The following ATP13A3 variants were observed in gnomAD, a reference collection of about 807,000 sequenced individuals.
ATP13A3 encodes ATPase 13A3, also known as polyamine-transporting ATPase 13A3.
In ATP13A3, 59 loss-of-function variants were observed where a neutral mutation model predicts 158.1. The observed-to-expected ratio is 0.37, with a 90% confidence interval of 0.30 to 0.46. The LOEUF (loss-of-function observed/expected upper bound fraction) is 0.46. Ranked by LOEUF, ATP13A3 falls within the 20% of genes least tolerant of loss-of-function variation. The pLI is 1.00. For missense variants in ATP13A3, 1,166 were observed against 1,525.2 expected (o/e 0.76, Z 3.92); for synonymous variants, 491 against 504.3 (o/e 0.97, Z 0.35).
At chr3:194,462,557 T>A (rs1373193815) in intron 2 of ATP13A3, among the ~76,000 whole-genome samples, 3 of 152,194 alleles carry the variant, frequency 2.0e-5, no homozygotes, top group African/African-American at 2.4e-5. Context: ...AACAGTTTCA[T>A]CCCGAAACCA....
intron 32 of ATP13A3, chr3:194,413,048 A>G (rs775982494): frequency 1.6e-4 from 24 of 152,300 alleles, no homozygotes; most frequent in Admixed American, 9.8e-4. Flanking sequence ...TCTCTCTTCC[A>G]TTTTTATAGT....
chr3:194,428,946 A>G, intron 27 of ATP13A3, 29 bp from the exon 28 acceptor site: 2 of 1,429,838 alleles, frequency 1.4e-6, no homozygotes, highest in South Asian at 2.5e-5. Flanking sequence ...AAACATTATT[A>G]GTTTTTGGGA....
chr3:194,419,874 C>A lies in ATP13A3; in HGVS notation c.3402+5G>T. On this transcript the variant is annotated splice_donor_5th_base_variant and intron_variant, in intron 31 of 33. Transcript: ENST00000645319. Reference sequence around the variant, plus strand: ...CCCCAAACAAATGATGTGCTTAAGTCTTACCTGAAGAACCTGGTCAACAGA... The same window carrying A: ...CCCCAAACAAATGATGTGCTTAAGTATTACCTGAAGAACCTGGTCAACAGA... The A allele has an allele frequency of 6.4e-7, 1 of 1,561,804 alleles. No homozygotes were observed. Among genetic ancestry groups the A allele is most frequent in the South Asian group, 1.2e-5 (1 of 80,412 alleles).
At chr3:194,490,177 C>T (rs1041360399), upstream of ATP13A3, among the ~76,000 whole-genome samples, 4 of 152,174 alleles carry the variant, frequency 2.6e-5, no homozygotes, top group African/African-American at 7.2e-5. The surrounding 1 kb of genome is among the most constrained non-coding windows in gnomAD (Gnocchi z 4.4). Context: ...AAAACATACA[C>T]CATCAAGAGG....
chr3:194,446,608 T>A (rs1718427734), intron 14 of ATP13A3, among the ~76,000 whole-genome samples: 1 of 152,214 alleles, frequency 6.6e-6, no homozygotes, highest in Non-Finnish European at 1.5e-5. Context: ...GTGTTTTAGA[T>A]CTTTATTTAG....
At chr3:194,413,915 A>G (rs1251601737) in intron 31 of ATP13A3, 76 bp from the exon 32 acceptor site, 4 of 1,269,498 alleles carry the variant, frequency 3.2e-6, no homozygotes, top group Non-Finnish European at 4.6e-6. Context: ...TAATTTCTAA[A>G]TTTATTGAAT....
intron 33 of ATP13A3, among the ~76,000 whole-genome samples, chr3:194,409,742 A>G (rs998983590): frequency 3.2e-5 from 4 of 123,312 alleles, no homozygotes; most frequent in African/African-American, 1.4e-4. Flanking sequence ...AAGTATTAAC[A>G]CCCGGGGCTG....
intron 28 of ATP13A3, 133 bp downstream of exon 28, chr3:194,428,712 A>T: frequency 1.7e-6 from 1 of 582,630 alleles, no homozygotes; most frequent in South Asian, 2.6e-5. Context: ...ACTGGTAATA[A>T]AATAACATAT....
At position 194,435,185 on chromosome 3, in the gene ATP13A3, T is replaced by C. The variant is rs114283396; in HGVS notation, c.2121-1289A>G. 7.8e-3 allele frequency among the ~76,000 whole-genome samples: 1,183 copies of C among 152,306 alleles called. 18 individuals carry two copies. Among genetic ancestry groups the C allele is most frequent in the African/African-American group, 0.026 (1,083 of 41,574 alleles). On this transcript the variant is annotated intron_variant, in intron 20 of 33. Transcript: ENST00000645319. The stretch of plus-strand genomic sequence containing the variant: ...ATTAGAGAATAGTTGAGAAAATTAA[T>C]ATAAATGAAACTGCTGGTTTTAACA...
rs71179358 is a variant in ATP13A3, at chr3:194,409,693, A to ATTTTTTTTTTTTTTTTTTTTT, written c.3573+2485_3573+2505dup. On this transcript the variant is annotated intron_variant, in intron 33 of 33. Transcript: ENST00000645319. ...TGCTTGATAATCACTGACGTAAAGA[A>ATTTTTTTTTTTTTTTTTTTTT]TTTTTTTTTTTTTTTTTTTTTTTTT... Among the ~76,000 whole-genome samples, 62 of 93,996 alleles carry ATTTTTTTTTTTTTTTTTTTTT rather than the reference A, an allele frequency of 6.6e-4. 5 individuals carry two copies. The highest frequency in any genetic ancestry group is 1.6e-3 in the African/African-American group (32 of 20,350). The allele number at this position is 93,996 out of a possible 152,430, so 61.7% of individuals were successfully genotyped here.
At chr3:194,429,931 A>C (rs1717095027) in intron 26 of ATP13A3, 141 bp downstream of exon 26, 3 of 953,544 alleles carry the variant, frequency 3.1e-6, no homozygotes. Context: ...AGTAGCAATC[A>C]ATCTGTTACT....
intron 30 of ATP13A3, 27 bp downstream of exon 30, chr3:194,425,315 G>A: frequency 1.3e-6 from 2 of 1,590,058 alleles, no homozygotes; most frequent in Non-Finnish European, 1.7e-6. Flanking sequence ...CAAGCAGGGT[G>A]GAAATCACAA....
At chr3:194,475,645 A>G (rs1720494508) in intron 2 of ATP13A3, among the ~76,000 whole-genome samples, 1 of 152,212 alleles carries the variant, frequency 6.6e-6, no homozygotes, top group Non-Finnish European at 1.5e-5. Flanking sequence ...CAGCACAACC[A>G]TCATAAAAAT....
intron 16 of ATP13A3, 94 bp from the exon 17 acceptor site, chr3:194,439,066 A>G (rs930732367): frequency 7.1e-6 from 5 of 704,032 alleles, no homozygotes; most frequent in Non-Finnish European, 1.1e-5. Flanking sequence ...TAAATAGAAC[A>G]TTATGGCCAT....
chr3:194,416,034 A>C (rs759438103), intron 31 of ATP13A3, among the ~76,000 whole-genome samples: 18 of 152,230 alleles, frequency 1.2e-4, no homozygotes, highest in Non-Finnish European at 2.1e-4. Context: ...AATTTCAAAG[A>C]GTGTGCATCA....
chr3:194,436,047 G>A (rs1376601591), intron 20 of ATP13A3, among the ~76,000 whole-genome samples: 4 of 152,106 alleles, frequency 2.6e-5, no homozygotes, highest in African/African-American at 9.7e-5. Context: ...GTCCTTAGTA[G>A]GAATTAGGAT....
At chr3:194,425,677 G>T (rs1283076188) in intron 29 of ATP13A3, 148 bp from the exon 30 acceptor site, 3 of 625,032 alleles carry the variant, frequency 4.8e-6, no homozygotes, top group Non-Finnish European at 7.9e-6. Flanking sequence ...ATCAATATAA[G>T]ATATATAAAA....
At position 194,486,802 on chromosome 3, in the gene ATP13A3, C is replaced by T. The variant is rs1721002828; in HGVS notation, c.-325G>A. 6.6e-6 allele frequency: 1 copy of T among 151,422 alleles called. No homozygotes were observed. Among genetic ancestry groups the T allele is most frequent in the South Asian group, 2.1e-4 (1 of 4,826 alleles). The allele number at this position is 151,422 out of a possible 1,614,324, so 9.4% of individuals were successfully genotyped here. ...CCGCGCTCTCCTCCTCCTCCGCGCC[C>T]GCGGCGGCGGCGTGCAGCCGGCAGG... On this transcript the variant is annotated 5_prime_UTR_variant, in exon 1 of 34. Transcript: ENST00000645319.
intron 2 of ATP13A3, among the ~76,000 whole-genome samples, chr3:194,464,439 C>G (rs1008649472): frequency 6.6e-6 from 1 of 152,138 alleles, no homozygotes; most frequent in Admixed American, 6.5e-5. Flanking sequence ...GAGCATATTA[C>G]CAGAGTTATT....
Sources: gnomAD v4.1 joint callset for allele counts (sites outside exome capture counted in the v4.1 genomes callset) on GRCh38, gnomAD v4.1.1 for gene constraint, Gnocchi (gnomAD v3.1) non-coding constraint, MANE v1.5 for transcripts, NCBI Gene and HGNC (gene_info 2026-07-23, HGNC 2026-07-21) for gene names.